Variants in TRAPPC9 observed in about 807,000 individuals in gnomAD.
The protein encoded by TRAPPC9 is trafficking protein particle complex subunit 9, also known as IKK2 binding protein.
Under a neutral mutation model 124.0 loss-of-function variants are expected in TRAPPC9, and 83 were observed. The ratio of observed to expected loss-of-function variants is 0.67; its 90% CI spans 0.56 to 0.80. The LOEUF is 0.80. Ranked by LOEUF, TRAPPC9 falls within the 30% of genes least tolerant of loss-of-function variation. The probability of loss-of-function intolerance (pLI) is 0.00; values close to 1 mark genes in which losing one functional copy is unlikely to be tolerated. For synonymous variants in TRAPPC9, 638 were observed against 617.5 expected, an observed-to-expected ratio of 1.03 and a Z score of -0.49; for missense variants, 1,302 against 1,508.3, an observed-to-expected ratio of 0.86 and a Z score of 2.27.
intron 19 of TRAPPC9, among the ~76,000 whole-genome samples, chr8:139,968,454 C>G (rs1835852121): frequency 6.6e-6 from 1 of 152,164 alleles, no homozygotes; most frequent in Non-Finnish European, 1.5e-5. Context: ...GGGGACAAGG[C>G]CAGCAGGAAC....
intron 17 of TRAPPC9, among the ~76,000 whole-genome samples, chr8:140,210,908 C>T (rs2063046775): frequency 6.6e-6 from 1 of 152,216 alleles, no homozygotes; most frequent in African/African-American, 2.4e-5. Flanking sequence ...CTGATGGGAA[C>T]AGCCATTCTG....
At chr8:140,425,139 G>T (rs748337919) in intron 5 of TRAPPC9, among the ~76,000 whole-genome samples, 1 of 152,214 alleles carries the variant, frequency 6.6e-6, no homozygotes, top group Non-Finnish European at 1.5e-5. Context: ...AGACAGATAT[G>T]ATTTCAGTAG....
chr8:140,002,254 GA>G (rs1183644245), intron 18 of TRAPPC9, among the ~76,000 whole-genome samples: 2 of 150,748 alleles, frequency 1.3e-5, no homozygotes, highest in Non-Finnish European at 3.0e-5. Context: ...CCCATCAATA[GA>G]AAAAAACCCC....
In TRAPPC9 at chr8:140,157,137, G is replaced by A. The variant is rs112628420; in HGVS notation, c.2556+64322C>T. Among the ~76,000 whole-genome samples the A allele has an allele frequency of 4.9e-3, 269 of 54,676 alleles. 2 individuals carry two copies. Among genetic ancestry groups the A allele is most frequent in the African/African-American group, 8.2e-3 (109 of 13,298 alleles). 35.9% of individuals were successfully genotyped at this position (54,676 alleles called of 152,430 possible). ...TTCAGAAGCCTCCCTTTTCCATTCAGAAGCCTCCCTTTTCCATTCAGAAGC... is the reference window on the plus strand; with the variant it reads ...TTCAGAAGCCTCCCTTTTCCATTCAAAAGCCTCCCTTTTCCATTCAGAAGC... On this transcript the variant is annotated intron_variant, in intron 17 of 22. Transcript: ENST00000438773.
At position 140,311,309 on chromosome 8, in the gene TRAPPC9, T is replaced by C. The variant is rs199874029; in HGVS notation, c.1561A>G (p.Ile521Val). ...TSKCPGTMEP[I>V]ALPGGLTLPP... ...AGGGTGAGGCCGCCAGGGAGGGCGA[T>C]GGGCTCCATGGTCCCAGGACACTTG... Residue 521 changes from isoleucine to valine, a missense_variant, in exon 10 of 23, where the codon ATC becomes GTC. Physicochemically the swap from Ile to Val is conservative, Grantham distance 29. Around this residue, in one of 3 missense-constraint regions of TRAPPC9, gnomAD observed 657 missense variants for 811.2 expected, o/e 0.81. Transcript: ENST00000438773. 2.5e-6 allele frequency: 4 copies of C among 1,613,920 alleles called. No individual in the cohort carries two copies. Among genetic ancestry groups the C allele is most frequent in the Non-Finnish European group, 3.4e-6 (4 of 1,180,004 alleles).
intron 17 of TRAPPC9, among the ~76,000 whole-genome samples, chr8:140,214,546 C>T (rs1410402003): frequency 2.0e-5 from 3 of 152,232 alleles, no homozygotes; most frequent in African/African-American, 7.2e-5. Flanking sequence ...CTTGGTCCAA[C>T]CTTCTTTCTT....
At chr8:140,300,681 C>T (rs748773650) in intron 10 of TRAPPC9, 67 bp from the exon 11 acceptor site, 2 of 1,593,416 alleles carry the variant, frequency 1.3e-6, no homozygotes, top group Admixed American at 3.3e-5. Flanking sequence ...ATAAACATAA[C>T]CAAACATGAT....
At chr8:140,372,560 T>C (rs906092718) in intron 7 of TRAPPC9, among the ~76,000 whole-genome samples, 8 of 152,312 alleles carry the variant, frequency 5.3e-5, no homozygotes, top group African/African-American at 1.9e-4. Flanking sequence ...GTTTGAATGT[T>C]TGTGCCTCCC....
intron 17 of TRAPPC9, among the ~76,000 whole-genome samples, chr8:140,108,801 T>C (rs1484259395): frequency 2.6e-5 from 4 of 152,214 alleles, no homozygotes; most frequent in African/African-American, 9.7e-5. Flanking sequence ...TAGTTAATAT[T>C]TGGCTTCAGT....
At chr8:140,263,807 A>G (rs1330403937) in intron 15 of TRAPPC9, among the ~76,000 whole-genome samples, 1 of 152,168 alleles carries the variant, frequency 6.6e-6, no homozygotes, top group Non-Finnish European at 1.5e-5. Context: ...GTAACTTGAA[A>G]ATTGAGGGAG....
At chr8:140,059,577 G>A (rs1842477967) in intron 17 of TRAPPC9, among the ~76,000 whole-genome samples, 1 of 152,214 alleles carries the variant, frequency 6.6e-6, no homozygotes, top group Non-Finnish European at 1.5e-5. Flanking sequence ...AGCAGTACAG[G>A]TGCGTTCCAC....
intron 6 of TRAPPC9, among the ~76,000 whole-genome samples, chr8:140,404,909 CGT>C (rs71320356): frequency 0.065 from 7,815 of 119,904 alleles, 367 homozygotes; most frequent in African/African-American, 0.14. Context: ...TGTGAGCATG[CGT>C]GTGTGTGTGT....
At chr8:140,348,049 G>T (rs1191693995) in intron 9 of TRAPPC9, among the ~76,000 whole-genome samples, 1 of 152,236 alleles carries the variant, frequency 6.6e-6, no homozygotes, top group Admixed American at 6.5e-5. Flanking sequence ...TCTAAGAAGG[G>T]CATTCACTCA....
At chr8:139,789,207 C>T (rs1170515468) in intron 21 of TRAPPC9, among the ~76,000 whole-genome samples, 1 of 152,138 alleles carries the variant, frequency 6.6e-6, no homozygotes, top group African/African-American at 2.4e-5. Flanking sequence ...AGACCCACGC[C>T]TGCCTCGGAA....
Position 140,360,064 on chromosome 8 carries a change from A to C in TRAPPC9, c.1481T>G (p.Phe494Cys). The change falls in exon 9 of 23, where the codon TTC (phenylalanine) becomes TGC (cysteine). Residue 494 changes from phenylalanine (F) to cysteine (C), a missense_variant. Phe to Cys is a radical substitution (Grantham distance 205). This residue lies in a region of TRAPPC9 where 657 missense variants were observed against 811.2 expected (regional missense o/e 0.81). Coordinates refer to ENST00000438773, the MANE Select transcript of TRAPPC9 (RefSeq NM_001160372.4). ...LSFLLQTMLD[F>C]LSDQEKKDVA... is the part of the protein sequence containing the mutation. Reference sequence around the variant, plus strand: ...AGCTCACTCACCCTGATCCGACAAGAAGTCCAGCATGGTCTGTAGAAGGAA... The same window carrying C: ...AGCTCACTCACCCTGATCCGACAAGCAGTCCAGCATGGTCTGTAGAAGGAA... 6.2e-7 allele frequency: 1 copy of C among 1,614,218 alleles called. No homozygotes were observed. The highest frequency in any genetic ancestry group is 8.5e-7 in the Non-Finnish European group (1 of 1,180,038).
chr8:140,437,087 A>G (rs2070839683), intron 3 of TRAPPC9, among the ~76,000 whole-genome samples: 1 of 151,902 alleles, frequency 6.6e-6, no homozygotes, highest in African/African-American at 2.4e-5. Flanking sequence ...CCTCACCCTC[A>G]CAAGTAGCTG....
At chr8:140,333,413 A>T (rs746593409) in intron 9 of TRAPPC9, among the ~76,000 whole-genome samples, 1 of 152,178 alleles carries the variant, frequency 6.6e-6, no homozygotes, top group Non-Finnish European at 1.5e-5. Flanking sequence ...TGTTGTTGAG[A>T]CGGAGTCTCA....
At position 139,742,139 on chromosome 8, in the gene TRAPPC9, G is replaced by A. The variant is rs373440397; in HGVS notation, c.3056-9937C>T. On this transcript the variant is annotated intron_variant, in intron 21 of 22. Coordinates refer to ENST00000438773, the MANE Select transcript of TRAPPC9 (RefSeq NM_001160372.4). The surrounding 1 kb of genome is among the most constrained non-coding windows in gnomAD (Gnocchi z 4.7). ...GCACCCCCATTCCCAGCGGCGGTGC[G>A]GGAGAGGCCTGACTGCTCCACGCCT... 1.6e-4 allele frequency among the ~76,000 whole-genome samples: 25 copies of A among 152,204 alleles called. No homozygotes were observed. The highest frequency in any genetic ancestry group is 3.4e-4 in the African/African-American group (14 of 41,448).
intron 21 of TRAPPC9, among the ~76,000 whole-genome samples, chr8:139,875,419 C>T (rs1486098999): frequency 6.6e-6 from 1 of 152,240 alleles, no homozygotes; most frequent in Non-Finnish European, 1.5e-5. Context: ...ACAGAGGCCT[C>T]TCCAAATGGG....
Sources: allele counts gnomAD v4.1 joint callset (sites outside exome capture counted in the v4.1 genomes callset), GRCh38; gene constraint gnomAD v4.1.1; regional missense constraint gnomAD v4.1.1; non-coding constraint Gnocchi (gnomAD v3.1); transcripts MANE v1.5; gene names NCBI Gene and HGNC (gene_info 2026-07-23, HGNC 2026-07-21).